The following PDE11A variants were observed in gnomAD, a reference collection of about 807,000 sequenced individuals.
PDE11A encodes the protein phosphodiesterase 11A.
Under a neutral mutation model 100.5 loss-of-function variants are expected in PDE11A, and 100 were observed. The observed-to-expected ratio is 1.00, with a 90% CI of 0.85 to 1.18. The LOEUF is 1.18. Among genes scored for constraint, PDE11A ranks in the 50% most tolerant of loss-of-function variants. The pLI, the probability that PDE11A is intolerant of heterozygous loss-of-function variation, is 0.00. For missense variants in PDE11A, 1,141 were observed against 1,152.6 expected, an observed-to-expected ratio of 0.99 and a Z score of 0.15; for synonymous variants, 381 against 420.8, an observed-to-expected ratio of 0.91 and a Z score of 1.16.
intron 3 of PDE11A, among the ~76,000 whole-genome samples, chr2:177,902,905 C>T (rs1028266362): frequency 6.6e-6 from 1 of 152,166 alleles, no homozygotes; most frequent in Non-Finnish European, 1.5e-5. Flanking sequence ...TTCCTAAGTC[C>T]TCTCACTGCT....
At chr2:177,906,952 C>T (rs1469950744) in intron 2 of PDE11A, among the ~76,000 whole-genome samples, 1 of 152,124 alleles carries the variant, frequency 6.6e-6, no homozygotes, top group Non-Finnish European at 1.5e-5. Context: ...AAGGAGGAGA[C>T]TTATTTTAAC....
Position 178,072,424 on chromosome 2 carries a change from C to T in PDE11A, c.14G>A (p.Arg5His), listed in dbSNP as rs779825580. MAAS[R>H]LDFGEVETFL... ...AGTTTCCACCTCCCCAAAGTCCAGGCGGGAGGCTGCCATGGTCCCAGACAG... is the reference window on the plus strand; with the variant it reads ...AGTTTCCACCTCCCCAAAGTCCAGGTGGGAGGCTGCCATGGTCCCAGACAG... The change falls in exon 1 of 20, where the codon CGC becomes CAC. Residue 5 changes from arginine (R) to histidine (H), a missense_variant. Arg to His is a conservative substitution (Grantham distance 29). Transcript: ENST00000286063. 7 of 1,613,320 alleles carry T rather than the reference C, an allele frequency of 4.3e-6. No homozygotes were observed. The highest frequency in any genetic ancestry group is 5.9e-6 in the Non-Finnish European group (7 of 1,180,032).
At chr2:177,926,677 C>A (rs932939890) in intron 2 of PDE11A, among the ~76,000 whole-genome samples, 7 of 152,124 alleles carry the variant, frequency 4.6e-5, no homozygotes, top group Non-Finnish European at 7.4e-5. Context: ...TATTTCATAG[C>A]TATTTATTGA....
At chr2:177,916,854 G>A (rs1466550800) in intron 2 of PDE11A, among the ~76,000 whole-genome samples, 1 of 151,448 alleles carries the variant, frequency 6.6e-6, no homozygotes, top group African/African-American at 2.4e-5. Flanking sequence ...CCGCCTCCCG[G>A]GTCCACCGCC....
intron 2 of PDE11A, among the ~76,000 whole-genome samples, chr2:178,088,933 G>A (rs7583491): frequency 0.19 from 29,012 of 152,154 alleles, 2,784 homozygotes; most frequent in South Asian, 0.22. Flanking sequence ...AGTTGTAAAA[G>A]TTAATTATTA....
At chr2:177,799,163 G>A (rs573125750) in intron 9 of PDE11A, among the ~76,000 whole-genome samples, 2 of 152,208 alleles carry the variant, frequency 1.3e-5, no homozygotes, top group East Asian at 1.9e-4. Flanking sequence ...AGACTGTCAA[G>A]GTCAACAAAA....
chr2:177,815,335 A>C (rs1309636588), intron 9 of PDE11A, among the ~76,000 whole-genome samples: 1 of 152,182 alleles, frequency 6.6e-6, no homozygotes, highest in African/African-American at 2.4e-5. Context: ...CAATTGAGGT[A>C]AGTGACAGAT....
chr2:178,081,169 C>A (rs1559066034), intron 2 of PDE11A, among the ~76,000 whole-genome samples: 1 of 151,812 alleles, frequency 6.6e-6, no homozygotes, highest in Non-Finnish European at 1.5e-5. Flanking sequence ...ATGAATATAC[C>A]CTTGTGCACT....
chr2:177,897,920 G>C, intron 4 of PDE11A, 138 bp downstream of exon 4: 2 of 715,252 alleles, frequency 2.8e-6, no homozygotes, highest in African/African-American at 1.8e-5. Flanking sequence ...TAAAAAACTT[G>C]TTTGATGAAA....
intron 9 of PDE11A, among the ~76,000 whole-genome samples, chr2:177,813,604 A>C (rs184597574): frequency 6.6e-6 from 1 of 152,264 alleles, no homozygotes; most frequent in East Asian, 1.9e-4. Flanking sequence ...CATGGAGAGA[A>C]GTATTTTTAT....
At chr2:177,783,770 A>G (rs2105521718) in intron 9 of PDE11A, among the ~76,000 whole-genome samples, 2 of 152,276 alleles carry the variant, frequency 1.3e-5, no homozygotes, top group South Asian at 4.1e-4. Flanking sequence ...CAGCCTATTC[A>G]CTTAGATTTC....
At chr2:178,045,211 T>A (rs10930820) in intron 1 of PDE11A, among the ~76,000 whole-genome samples, 81,234 of 151,998 alleles carry the variant, frequency 0.53, 22,028 homozygotes, top group East Asian at 0.71. Flanking sequence ...AAGACCTGCA[T>A]AGAGCAACTC....
intron 2 of PDE11A, among the ~76,000 whole-genome samples, chr2:177,926,457 G>A (rs2695759): frequency 0.97 from 148,312 of 152,302 alleles, 72,316 homozygotes; most frequent in Middle Eastern, 1. Context: ...ACATAACTCA[G>A]TATCTCCTCA....
chr2:177,804,426 AC>A (rs2082838495), intron 9 of PDE11A, among the ~76,000 whole-genome samples: 1 of 152,044 alleles, frequency 6.6e-6, no homozygotes, highest in South Asian at 2.1e-4. Flanking sequence ...AAGTCAAAAA[AC>A]AACAGATATT....
At chr2:178,043,119 A>G (rs1052740168) in intron 1 of PDE11A, among the ~76,000 whole-genome samples, 3 of 152,104 alleles carry the variant, frequency 2.0e-5, no homozygotes, top group African/African-American at 7.3e-5. Flanking sequence ...ATATACTATT[A>G]TATTATATCT....
chr2:177,738,558 T>C (rs1866212), intron 10 of PDE11A, among the ~76,000 whole-genome samples: 104,477 of 152,052 alleles, frequency 0.69, 38,214 homozygotes, highest in East Asian at 0.86. Context: ...TTGGTTCTGC[T>C]CAGACCTACT....
At chr2:178,046,019 T>A (rs1254242532) in intron 1 of PDE11A, among the ~76,000 whole-genome samples, 1 of 152,220 alleles carries the variant, frequency 6.6e-6, no homozygotes, top group African/African-American at 2.4e-5. Flanking sequence ...CTCTGCCTCT[T>A]ACTAGCTGTA....
intron 2 of PDE11A, among the ~76,000 whole-genome samples, chr2:177,966,352 T>C (rs930015797): frequency 6.6e-6 from 1 of 152,140 alleles, no homozygotes; most frequent in East Asian, 1.9e-4. Context: ...TCTTGCTTGA[T>C]TGCTCTGGCT....
At chr2:178,038,918 C>T (rs2086649555) in intron 1 of PDE11A, 2 of 152,132 alleles carry the variant, frequency 1.3e-5, no homozygotes, top group Non-Finnish European at 2.9e-5. Context: ...ACTTTGGCAG[C>T]ACATATACTA....
Sources: allele counts gnomAD v4.1 joint callset (sites outside exome capture counted in the v4.1 genomes callset), GRCh38; gene constraint gnomAD v4.1.1; transcripts MANE v1.5; gene names NCBI Gene and HGNC (gene_info 2026-07-23, HGNC 2026-07-21).